The following NT5DC1 variants were observed in gnomAD, a reference collection of about 807,000 sequenced individuals.
The protein encoded by NT5DC1 is 5'-nucleotidase domain-containing protein 1.
In NT5DC1, 42 loss-of-function variants were observed where a neutral mutation model predicts 59.4. That is an observed-to-expected ratio of 0.71 (90% CI 0.55 to 0.92). The LOEUF is 0.92. Among genes scored for constraint, NT5DC1 ranks in the 40% least tolerant of loss-of-function variants. The pLI, the probability that NT5DC1 is intolerant of heterozygous loss-of-function variation, is 0.00. For synonymous variants in NT5DC1, 172 were observed against 188.1 expected, an observed-to-expected ratio of 0.91 and a Z score of 0.70; for missense variants, 501 against 537.1, an observed-to-expected ratio of 0.93 and a Z score of 0.66.
Position 116,108,513 on chromosome 6 carries a change from A to C in NT5DC1, c.257+78A>C, listed in dbSNP as rs1778808777. 2.6e-5 allele frequency: 21 copies of C among 799,854 alleles called. 1 individual carries two copies. The South Asian group carries it at 2.9e-4, about 11-fold the overall frequency. 49.5% of individuals were successfully genotyped at this position (799,854 alleles called of 1,614,324 possible). A position where few individuals can be genotyped will look rare whatever the true frequency, so the allele number is the denominator to read the frequency against. On this transcript the variant is annotated intron_variant, in intron 3 of 11. Coordinates refer to ENST00000319550, the MANE Select transcript of NT5DC1 (RefSeq NM_152729.3). ...TTACTGAGTGGCATATGACCCTTAC[A>C]GTATGGGTTAAATATGATTATTTTA... is the stretch of plus-strand genomic sequence containing the variant.
chr6:116,186,189 GGT>G (rs1464864945), intron 6 of NT5DC1, among the ~76,000 whole-genome samples: 2 of 152,014 alleles, frequency 1.3e-5, no homozygotes, highest in Non-Finnish European at 2.9e-5. Flanking sequence ...GGAGAACAAA[GGT>G]AGGACCCCAA....
intron 6 of NT5DC1, among the ~76,000 whole-genome samples, chr6:116,216,436 A>G (rs1328491773): frequency 6.6e-6 from 1 of 151,886 alleles, no homozygotes; most frequent in Non-Finnish European, 1.5e-5. Flanking sequence ...CAAAACAATT[A>G]AATCAGAATT....
chr6:116,136,771 TA>T lies in NT5DC1; in HGVS notation c.529+18827del, dbSNP rs150601476. On this transcript the variant is annotated intron_variant, in intron 6 of 11. Transcript: ENST00000319550. The stretch of plus-strand genomic sequence containing the variant: ...GATAACAATAAGCTATTCTTGGCCT[TA>T]GTTCCAACGGTTTGGAATCTGTTAC... Among the ~76,000 whole-genome samples, 389 of 152,334 alleles carry T rather than the reference TA, an allele frequency of 2.6e-3. 1 individual carries two copies. The highest frequency in any genetic ancestry group is 9.1e-3 in the African/African-American group (379 of 41,574).
At chr6:116,195,405 A>C (rs1781201709) in intron 6 of NT5DC1, among the ~76,000 whole-genome samples, 1 of 152,000 alleles carries the variant, frequency 6.6e-6, no homozygotes, top group South Asian at 2.1e-4. Flanking sequence ...TTATTAAATT[A>C]ACTTTTTTTT....
rs1562171816 is a variant in NT5DC1, at chr6:116,223,146, GTTT to G, written c.802+16_802+18del. On this transcript the variant is annotated intron_variant, in intron 8 of 11. Coordinates refer to ENST00000319550, the MANE Select transcript of NT5DC1 (RefSeq NM_152729.3). ...CCGGACACTCGGTAAGTTACATTTG[GTTT>G]CTTTCTTTTCCTGTATACAGTTGGC... The G allele has an allele frequency of 6.9e-7, 1 of 1,440,258 alleles. No individual in the cohort carries two copies. Among genetic ancestry groups the G allele is most frequent in the Non-Finnish European group, 9.8e-7 (1 of 1,024,768 alleles). The allele number at this position is 1,440,258 out of a possible 1,614,324, so 89.2% of individuals were successfully genotyped here.
intron 6 of NT5DC1, among the ~76,000 whole-genome samples, chr6:116,216,087 T>G (rs1178344892): frequency 6.6e-6 from 1 of 152,050 alleles, no homozygotes; most frequent in East Asian, 1.9e-4. Context: ...AAATCTAGAG[T>G]ACCATGCTTA....
chr6:116,238,194 AT>A lies in NT5DC1; in HGVS notation c.933del (p.Phe311LeufsTer44). The A allele has an allele frequency of 6.2e-7, 1 of 1,608,694 alleles. No homozygotes were observed. The highest frequency in any genetic ancestry group is 8.5e-7 in the Non-Finnish European group (1 of 1,177,316). ...CTGCTATCTGTCTTACAGGTTGTTT[AT>A]TTTGGTGACAGCATGCATTCAGATA... ...MTGKPEPKVV[Y>X]FGDSMHSDIF... On this transcript the variant is annotated frameshift_variant, in exon 10 of 12. Transcript: ENST00000319550. LOFTEE classifies it high-confidence loss of function.
chr6:116,234,914 G>A (rs989137973), intron 8 of NT5DC1, among the ~76,000 whole-genome samples: 5 of 152,044 alleles, frequency 3.3e-5, no homozygotes, highest in African/African-American at 4.8e-5. Context: ...GCCAAAACCC[G>A]CAGCCTCAGC....
intron 6 of NT5DC1, among the ~76,000 whole-genome samples, chr6:116,202,875 T>C (rs914555926): frequency 5.3e-5 from 8 of 151,948 alleles, no homozygotes; most frequent in African/African-American, 1.9e-4. Context: ...AACTAGAAAA[T>C]CTTAAGGAGT....
chr6:116,171,849 A>G (rs1436346886), intron 6 of NT5DC1, among the ~76,000 whole-genome samples: 1 of 152,250 alleles, frequency 6.6e-6, no homozygotes, highest in East Asian at 1.9e-4. Context: ...TTGATATTAA[A>G]GAGGTACTTA....
intron 6 of NT5DC1, chr6:116,125,345 T>A (rs766668557): frequency 6.2e-7 from 1 of 1,613,602 alleles, no homozygotes. Flanking sequence ...TTACCTTTAC[T>A]CTTTATGGTG....
intron 6 of NT5DC1, chr6:116,119,551 C>T (rs1475907407): frequency 6.4e-6 from 1 of 157,338 alleles, no homozygotes; most frequent in Non-Finnish European, 1.4e-5. Flanking sequence ...GAGTAGTGCA[C>T]CATCAGAAAT....
rs531991968 is a variant in NT5DC1 at position 116,249,360 on chromosome 6, C to T, written c.*5336C>T. ...AGATGGCTACAAATACTTAGCAATT[C>T]ATTTTCATAGATTTTGTAGCATCCA... On this transcript the variant is annotated 3_prime_UTR_variant, in exon 12 of 12. Coordinates refer to ENST00000319550, the MANE Select transcript of NT5DC1 (RefSeq NM_152729.3). 3 of 152,338 alleles carry T rather than the reference C, an allele frequency of 2.0e-5. No homozygotes were observed. In the South Asian group the frequency reaches 6.2e-4, roughly 32 times the overall value. The allele number at this position is 152,338 out of a possible 1,614,324, so 9.4% of individuals were successfully genotyped here.
chr6:116,232,888 G>T (rs1156597378), intron 8 of NT5DC1, among the ~76,000 whole-genome samples: 1 of 152,162 alleles, frequency 6.6e-6, no homozygotes, highest in Non-Finnish European at 1.5e-5. Flanking sequence ...GACAGCTTTA[G>T]TTTTATTTAT....
At chr6:116,160,970 A>G (rs539440865) in intron 6 of NT5DC1, among the ~76,000 whole-genome samples, 2 of 152,088 alleles carry the variant, frequency 1.3e-5, no homozygotes, top group African/African-American at 4.8e-5. Context: ...GACTGGATTA[A>G]GAAAATGTGG....
chr6:116,151,836 T>G (rs774500864), intron 6 of NT5DC1, among the ~76,000 whole-genome samples: 1 of 152,244 alleles, frequency 6.6e-6, no homozygotes, highest in Non-Finnish European at 1.5e-5. Context: ...TTTCTTGGTT[T>G]ATTGAGATAT....
chr6:116,122,232 C>T (rs1024891628), intron 6 of NT5DC1, among the ~76,000 whole-genome samples: 1 of 152,124 alleles, frequency 6.6e-6, no homozygotes, highest in African/African-American at 2.4e-5. Flanking sequence ...TGAAGAATTC[C>T]TCTAGAATAA....
chr6:116,235,714 A>C (rs570198392), intron 8 of NT5DC1, among the ~76,000 whole-genome samples: 2 of 152,364 alleles, frequency 1.3e-5, no homozygotes, highest in East Asian at 3.9e-4. Flanking sequence ...TTTGTTATAA[A>C]CTAAGCAGAG....
chr6:116,190,889 C>G (rs1025904641), intron 6 of NT5DC1, among the ~76,000 whole-genome samples: 1 of 151,988 alleles, frequency 6.6e-6, no homozygotes, highest in African/African-American at 2.4e-5. Context: ...TTCTACATGG[C>G]TCTCATTAGT....
Sources: allele counts gnomAD v4.1 joint callset (sites outside exome capture counted in the v4.1 genomes callset), GRCh38; gene constraint gnomAD v4.1.1; transcripts MANE v1.5; gene names NCBI Gene and HGNC (gene_info 2026-07-23, HGNC 2026-07-21).